The following ANK2 variants were observed in gnomAD, a reference collection of about 807,000 sequenced individuals.
ANK2 encodes ankyrin 2.
A neutral mutation model predicts 360.5 loss-of-function variants in ANK2; 83 were observed. That is an observed-to-expected ratio of 0.23 (90% CI 0.19 to 0.28). The LOEUF (loss-of-function observed/expected upper bound fraction) is 0.28, where lower values mean the gene tolerates loss of function less well. Among genes scored for constraint, ANK2 ranks in the 10% least tolerant of loss-of-function variants. ANK2 has a pLI of 1.00. For synonymous variants in ANK2, 1,740 were observed against 1,759.5 expected (o/e 0.99, Z 0.28); for missense variants, 4,201 against 4,795.7 (o/e 0.88, Z 3.66).
At chr4:112,710,362 C>T in the ANK2 span, among the ~76,000 whole-genome samples, 2 of 152,110 alleles carry the variant, frequency 1.3e-5, no homozygotes, top group African/African-American at 4.8e-5. Flanking sequence ...ATAGTATTTA[C>T]GGTAGAGTTG....
intron 21 of ANK2, chr4:113,293,040 T>C (rs970763268): frequency 1.4e-5 from 5 of 366,262 alleles, no homozygotes; most frequent in African/African-American, 4.2e-5. Flanking sequence ...GTGTTCCCGA[T>C]GGTAACATCT....
At chr4:113,121,685 C>T (rs1392457007) in intron 1 of ANK2, among the ~76,000 whole-genome samples, 1 of 152,076 alleles carries the variant, frequency 6.6e-6, no homozygotes, top group African/African-American at 2.4e-5. Context: ...TTTTATTAAA[C>T]TGATAGGTGA....
intron 4 of ANK2, among the ~76,000 whole-genome samples, chr4:113,200,846 A>C (rs1332450779): frequency 2.0e-5 from 3 of 146,484 alleles, no homozygotes; most frequent in Non-Finnish European, 3.0e-5. Context: ...ATGAGAACAC[A>C]TGGACACAAG....
intron 2 of ANK2, among the ~76,000 whole-genome samples, chr4:113,032,714 A>G (rs1417186647): frequency 6.6e-6 from 1 of 152,058 alleles, no homozygotes; most frequent in Admixed American, 6.6e-5. Flanking sequence ...ACTCTTTTAC[A>G]ATTAAATGCG....
intron 1 of ANK2, chr4:112,827,347 G>A (rs758321356): frequency 7.2e-5 from 92 of 1,281,610 alleles, no homozygotes; most frequent in Non-Finnish European, 9.1e-5. Flanking sequence ...ACAGCAACTG[G>A]AACTTGAACA....
At chr4:113,071,839 G>C (rs2077674272) in intron 1 of ANK2, 2 of 152,400 alleles carry the variant, frequency 1.3e-5, no homozygotes, top group Non-Finnish European at 2.9e-5. Context: ...TTAACTCACA[G>C]TTCCCAGTAG....
chr4:112,886,085 T>C (rs1295127634), intron 1 of ANK2, among the ~76,000 whole-genome samples: 1 of 152,000 alleles, frequency 6.6e-6, no homozygotes, highest in Non-Finnish European at 1.5e-5. Flanking sequence ...GGCGGGTCTT[T>C]AGAGAGGATG....
intron 4 of ANK2, among the ~76,000 whole-genome samples, chr4:113,228,606 G>A (rs2099253347): frequency 6.6e-6 from 1 of 152,168 alleles, no homozygotes; most frequent in South Asian, 2.1e-4. Flanking sequence ...ATTTGGGGTG[G>A]TTCCATATTT....
At chr4:112,799,691 A>G in the ANK2 span, among the ~76,000 whole-genome samples, 6 of 151,482 alleles carry the variant, frequency 4.0e-5, no homozygotes, top group African/African-American at 1.5e-4. Flanking sequence ...TAACTTTTGT[A>G]TTTTTAGTAG....
At chr4:112,706,061 G>T in the ANK2 span, among the ~76,000 whole-genome samples, 1 of 150,908 alleles carries the variant, frequency 6.6e-6, no homozygotes, top group African/African-American at 2.4e-5. Context: ...GGGCGGGCGC[G>T]GGCCGCAGGC....
At chr4:113,220,067 C>G (rs924379294) in intron 4 of ANK2, among the ~76,000 whole-genome samples, 2 of 152,170 alleles carry the variant, frequency 1.3e-5, no homozygotes, top group Admixed American at 1.3e-4. Flanking sequence ...GCTATAATTT[C>G]TACAGTGCCA....
rs755430079 is a variant in ANK2 at position 113,358,308 on chromosome 4, G to A, written c.9690G>A (p.Thr3230=). ...CCAAGGACCTCCCCACCGTGCAAAC[G>A]GGTGATATACCTCCTCTCTCTGGTG... The part of the protein sequence containing the change: ...VGTKDLPTVQ[T]GDIPPLSGVK... The change falls in exon 38 of 46, where the codon ACG becomes ACA. Residue 3230 remains threonine (T), a synonymous_variant. Coordinates refer to ENST00000357077, the MANE Select transcript of ANK2 (RefSeq NM_001148.6). 189 of 1,613,172 alleles carry A rather than the reference G, an allele frequency of 1.2e-4. No individual in the cohort carries two copies. The highest frequency in any genetic ancestry group is 1.3e-4 in the South Asian group (12 of 91,034).
chr4:113,234,684 C>A (rs1335551461), intron 5 of ANK2, among the ~76,000 whole-genome samples: 2 of 152,110 alleles, frequency 1.3e-5, no homozygotes, highest in Non-Finnish European at 2.9e-5. Context: ...TGTTTGGTAG[C>A]TAATTTGCAA....
intron 1 of ANK2, among the ~76,000 whole-genome samples, chr4:113,082,673 CTA>C (rs1301433106): frequency 6.6e-6 from 1 of 152,156 alleles, no homozygotes; most frequent in African/African-American, 2.4e-5. Flanking sequence ...GAGTATCCCT[CTA>C]TTGTGGATAA....
chr4:113,031,144 T>G (rs1275249695), intron 2 of ANK2: 1 of 152,058 alleles, frequency 6.6e-6, no homozygotes, highest in East Asian at 1.9e-4. Context: ...GTGACTCTAA[T>G]TTGAAGTTTG....
chr4:113,369,638 C>A lies in ANK2; in HGVS notation c.11443C>A (p.Pro3815Thr), dbSNP rs753105287. 3 of 1,614,146 alleles carry A rather than the reference C, an allele frequency of 1.9e-6. No homozygotes were observed. Among genetic ancestry groups the A allele is most frequent in the South Asian group, 2.2e-5 (2 of 91,082 alleles). The change falls in exon 43 of 46, where the codon CCA (proline) becomes ACA (threonine). Residue 3815 changes from proline (P) to threonine (T), a missense_variant. By Grantham distance (38) the Pro-to-Thr change is conservative. Coordinates refer to ENST00000357077, the MANE Select transcript of ANK2 (RefSeq NM_001148.6). ...AEEEKLYLQT[P>T]TSSERGGSPI... The stretch of plus-strand genomic sequence containing the variant: ...GGAGGAGAAGCTGTACCTCCAGACC[C>A]CAACATCCAGCGAGCGGGGAGGCTC...
chr4:113,306,544 T>C (rs1444128576), intron 23 of ANK2, among the ~76,000 whole-genome samples: 1 of 152,156 alleles, frequency 6.6e-6, no homozygotes, highest in Admixed American at 6.5e-5. Context: ...CAGTGGTACA[T>C]AGAAAAAGTT....
intron 2 of ANK2, among the ~76,000 whole-genome samples, chr4:112,927,492 A>ATAT: frequency 6.6e-6 from 1 of 152,268 alleles, no homozygotes; most frequent in African/African-American, 2.4e-5. Context: ...AGGAGACAGG[A>ATAT]TATTATATTC....
intron 9 of ANK2, among the ~76,000 whole-genome samples, chr4:113,247,658 G>A (rs186290069): frequency 1.3e-5 from 2 of 152,258 alleles, no homozygotes; most frequent in Middle Eastern, 3.4e-3. Context: ...GTTAAATAGG[G>A]TGAGAAACAT....
Sources: allele counts gnomAD v4.1 joint callset (sites outside exome capture counted in the v4.1 genomes callset), GRCh38; gene constraint gnomAD v4.1.1; transcripts MANE v1.5; gene names NCBI Gene and HGNC (gene_info 2026-07-23, HGNC 2026-07-21).